ARHGEF10L: variants seen among roughly 807,000 people sequenced by gnomAD.
ARHGEF10L encodes the protein Rho guanine nucleotide exchange factor 10 like.
Under a neutral mutation model 141.2 loss-of-function variants are expected in ARHGEF10L, and 69 were observed. The ratio of observed to expected loss-of-function variants is 0.49; its 90% CI spans 0.40 to 0.60. The LOEUF (loss-of-function observed/expected upper bound fraction) is 0.60. ARHGEF10L is among the 20% of genes least tolerant of loss of function. ARHGEF10L has a pLI of 0.00. For missense variants in ARHGEF10L, 1,482 were observed against 1,734.3 expected (o/e 0.85, Z 2.58); for synonymous variants, 711 against 718.5 (o/e 0.99, Z 0.17).
At chr1:17,691,302 G>A (rs1431521819) in intron 27 of ARHGEF10L, 2 of 291,530 alleles carry the variant, frequency 6.9e-6, no homozygotes, top group African/African-American at 4.7e-5. Context: ...TTTCCTTGAG[G>A]TGGAGGGGGA....
chr1:17,600,178 G>A (rs77580098), intron 4 of ARHGEF10L, among the ~76,000 whole-genome samples: 1,646 of 152,332 alleles, frequency 0.011, 25 homozygotes, highest in African/African-American at 0.037. Flanking sequence ...GTGTGGTGCT[G>A]GGAAGGTGAG....
chr1:17,528,027 C>T, the ARHGEF10L span, among the ~76,000 whole-genome samples: 68 of 151,894 alleles, frequency 4.5e-4, no homozygotes, highest in Non-Finnish European at 8.5e-4. Flanking sequence ...AGCCACCATA[C>T]CTGGCTAATT....
At chr1:17,593,495 G>A (rs577551614) in intron 4 of ARHGEF10L, among the ~76,000 whole-genome samples, 1 of 152,302 alleles carries the variant, frequency 6.6e-6, no homozygotes, top group South Asian at 2.1e-4. Flanking sequence ...TGACAAGAGG[G>A]AGACAGGAGG....
intron 7 of ARHGEF10L, among the ~76,000 whole-genome samples, chr1:17,612,253 A>G (rs2059585240): frequency 6.6e-6 from 1 of 152,038 alleles, no homozygotes. Context: ...GCTTCAAAGC[A>G]GGGCCCTTTT....
chr1:17,659,473 G>T (rs1361526585), intron 25 of ARHGEF10L, among the ~76,000 whole-genome samples: 1 of 152,192 alleles, frequency 6.6e-6, no homozygotes. Flanking sequence ...TGTGGGACTG[G>T]CATCAGCTTG....
intron 1 of ARHGEF10L, among the ~76,000 whole-genome samples, chr1:17,570,498 C>T (rs1399833920): frequency 6.6e-6 from 1 of 150,660 alleles, no homozygotes; most frequent in Non-Finnish European, 1.5e-5. Flanking sequence ...GTGGTGGTGA[C>T]TAGAGTGAGC....
intron 1 of ARHGEF10L, among the ~76,000 whole-genome samples, chr1:17,550,596 CTG>C (rs1426518920): frequency 6.7e-6 from 1 of 149,638 alleles, no homozygotes; most frequent in Non-Finnish European, 1.5e-5. Context: ...TGAGCTGAGA[CTG>C]TGCCATTGCA....
chr1:17,572,071 G>A (rs1209414413), intron 1 of ARHGEF10L, among the ~76,000 whole-genome samples: 2 of 152,214 alleles, frequency 1.3e-5, no homozygotes, highest in Non-Finnish European at 1.5e-5. Flanking sequence ...AGGTAATTCC[G>A]CTCAGAAAGG....
In ARHGEF10L at chr1:17,621,531, C is replaced by T. The variant is rs772333925; in HGVS notation, c.943-333C>T. On this transcript the variant is annotated intron_variant, in intron 10 of 28. Transcript: ENST00000361221. This position sits in a 1 kb window ranked among gnomAD's most constrained non-coding sequence, Gnocchi z 4.1. ...TACAAGCATGAGCCACCTTGCCTGG[C>T]CTAGGATTTTCTATTAGAGTTGTCC... Among the ~76,000 whole-genome samples the T allele has an allele frequency of 9.2e-5, 14 of 152,200 alleles. No homozygotes were observed. The highest frequency in any genetic ancestry group is 1.3e-4 in the Non-Finnish European group (9 of 68,042).
chr1:17,552,239 A>G (rs529289937), intron 1 of ARHGEF10L, among the ~76,000 whole-genome samples: 2 of 152,244 alleles, frequency 1.3e-5, no homozygotes, highest in South Asian at 2.1e-4. Flanking sequence ...GCCCTGTGCT[A>G]TGAGCTCTGT....
At chr1:17,689,452 C>T (rs1295886625) in intron 27 of ARHGEF10L, among the ~76,000 whole-genome samples, 2 of 144,966 alleles carry the variant, frequency 1.4e-5, no homozygotes, top group African/African-American at 2.6e-5. Flanking sequence ...TGCCTCCTTC[C>T]CCCTCTCTCC....
Position 17,671,452 on chromosome 1 carries a change from G to A in ARHGEF10L, c.3009+6857G>A, listed in dbSNP as rs548884909. Among the ~76,000 whole-genome samples, 66 of 152,296 alleles carry A rather than the reference G, an allele frequency of 4.3e-4. 1 individual carries two copies. Among genetic ancestry groups the A allele is most frequent in the Non-Finnish European group, 7.8e-4 (53 of 68,024 alleles). ...ATGGACAACAGTGTCACTCAAGGGTGAGAACCCTGCCTGGACCTGCACCCG... is the reference window on the plus strand; with the variant it reads ...ATGGACAACAGTGTCACTCAAGGGTAAGAACCCTGCCTGGACCTGCACCCG... On this transcript the variant is annotated intron_variant, in intron 26 of 28. Coordinates refer to ENST00000361221, the MANE Select transcript of ARHGEF10L (RefSeq NM_018125.4).
At chr1:17,598,419 A>G (rs1019869985) in intron 4 of ARHGEF10L, among the ~76,000 whole-genome samples, 12 of 152,202 alleles carry the variant, frequency 7.9e-5, no homozygotes, top group African/African-American at 2.9e-4. Flanking sequence ...CTTATTTCTC[A>G]CAGTTCACAA....
intron 15 of ARHGEF10L, among the ~76,000 whole-genome samples, chr1:17,631,403 G>A (rs1557875247): frequency 6.6e-6 from 1 of 152,216 alleles, no homozygotes; most frequent in Non-Finnish European, 1.5e-5. Flanking sequence ...TGCCTGGGGT[G>A]TGAAAGTCTT....
At chr1:17,611,342 C>T (rs931861446) in intron 7 of ARHGEF10L, among the ~76,000 whole-genome samples, 6 of 152,186 alleles carry the variant, frequency 3.9e-5, no homozygotes, top group East Asian at 3.8e-4. Flanking sequence ...TACTTCTTTG[C>T]ATAACAATAT....
chr1:17,587,742 C>T (rs1482090615), intron 3 of ARHGEF10L, 97 bp downstream of exon 3: 15 of 1,336,516 alleles, frequency 1.1e-5, no homozygotes, highest in East Asian at 4.9e-5. Context: ...GTGGCCCCTC[C>T]GCTGTCCCCA....
chr1:17,634,169 T>G, intron 16 of ARHGEF10L: 1 of 316,582 alleles, frequency 3.2e-6, no homozygotes, highest in Non-Finnish European at 5.9e-6. Context: ...CTGGGCACCG[T>G]GTGGTGCCGG....
intron 1 of ARHGEF10L, among the ~76,000 whole-genome samples, chr1:17,544,851 G>A (rs1381347058): frequency 3.3e-5 from 5 of 152,296 alleles, no homozygotes; most frequent in East Asian, 3.9e-4. Context: ...GGTAGAAGGC[G>A]AAGGAGGAGC....
At chr1:17,613,419 T>C (rs1263857946) in intron 8 of ARHGEF10L, among the ~76,000 whole-genome samples, 6 of 152,178 alleles carry the variant, frequency 3.9e-5, no homozygotes, top group African/African-American at 7.2e-5. Flanking sequence ...AGTGAAACCC[T>C]GATAGTCCAC....
Sources: gnomAD v4.1 joint callset for allele counts (sites outside exome capture counted in the v4.1 genomes callset) on GRCh38, gnomAD v4.1.1 for gene constraint, Gnocchi (gnomAD v3.1) non-coding constraint, MANE v1.5 for transcripts, NCBI Gene and HGNC (gene_info 2026-07-23, HGNC 2026-07-21) for gene names.